The following PRKACB variants were observed in gnomAD, a reference collection of about 807,000 sequenced individuals.
PRKACB encodes protein kinase cAMP-activated catalytic subunit beta.
PRKACB carries 16 observed loss-of-function variants against 51.4 expected under a neutral mutation model. The observed-to-expected ratio is 0.31, with a 90% CI of 0.21 to 0.47. The LOEUF is 0.47. Among genes scored for constraint, PRKACB ranks in the 20% least tolerant of loss-of-function variants. The probability of loss-of-function intolerance (pLI) is 1.00; values close to 1 mark genes in which losing one functional copy is unlikely to be tolerated. For missense variants in PRKACB, 309 were observed against 464.5 expected, an observed-to-expected ratio of 0.67 and a Z score of 3.08; for synonymous variants, 147 against 154.4, an observed-to-expected ratio of 0.95 and a Z score of 0.35.
chr1:84,106,977 G>T (rs1649806527), intron 1 of PRKACB, among the ~76,000 whole-genome samples: 1 of 151,720 alleles, frequency 6.6e-6, no homozygotes, highest in Non-Finnish European at 1.5e-5. Context: ...GAGAGGTTCA[G>T]AAGAGAAAGA....
At chr1:84,114,769 T>C (rs1160103572) in intron 1 of PRKACB, among the ~76,000 whole-genome samples, 1 of 152,174 alleles carries the variant, frequency 6.6e-6, no homozygotes, top group Non-Finnish European at 1.5e-5. Context: ...AGCTCCCACA[T>C]ATAAATGAGA....
At position 84,185,175 on chromosome 1, in the gene PRKACB, A is replaced by G; in HGVS notation, c.553A>G (p.Arg185Gly). ...EMFSHLRRIG[R>G]FSEPHARFYA... ...GTTTTCACATCTAAGAAGAATTGGA[A>G]GGTTCAGGTAACTAATGGTTTTGCT... Residue 185 changes from arginine (R) to glycine (G), a missense_variant, in exon 5 of 10, where the codon AGG becomes GGG. By Grantham distance (125) the Arg-to-Gly change is moderately radical. Coordinates refer to ENST00000370685, the MANE Select transcript of PRKACB (RefSeq NM_182948.4). 1.3e-6 allele frequency: 2 copies of G among 1,506,396 alleles called. No homozygotes were observed. Among genetic ancestry groups the G allele is most frequent in the Non-Finnish European group, 1.8e-6 (2 of 1,130,302 alleles). 93.3% of individuals were successfully genotyped at this position (1,506,396 alleles called of 1,614,324 possible).
chr1:84,150,543 G>T (rs1428449417), intron 1 of PRKACB, among the ~76,000 whole-genome samples: 1 of 152,088 alleles, frequency 6.6e-6, no homozygotes, highest in African/African-American at 2.4e-5. Flanking sequence ...ATGGCTTGGT[G>T]TCCTCCCAAT....
Position 84,235,364 on chromosome 1 carries a change from G to C in PRKACB, c.*59G>C. ...GTGTTTGCACTCTGTTGAGAGATAA[G>C]GTAGAGCTGAGACCGTCCTTGTTGA... is the stretch of plus-strand genomic sequence containing the variant. On this transcript the variant is annotated 3_prime_UTR_variant, in exon 10 of 10. Coordinates refer to ENST00000370685, the MANE Select transcript of PRKACB (RefSeq NM_182948.4). The C allele has an allele frequency of 6.2e-7, 1 of 1,604,466 alleles. No homozygotes were observed. Among genetic ancestry groups the C allele is most frequent in the Non-Finnish European group, 8.5e-7 (1 of 1,175,542 alleles).
intron 8 of PRKACB, among the ~76,000 whole-genome samples, chr1:84,208,086 T>A (rs1671610616): frequency 6.6e-6 from 1 of 152,192 alleles, no homozygotes; most frequent in Non-Finnish European, 1.5e-5. Flanking sequence ...CAGGCTGGTT[T>A]TGAAATCCTG....
At chr1:84,159,664 A>G (rs977466919) in intron 1 of PRKACB, among the ~76,000 whole-genome samples, 4 of 152,192 alleles carry the variant, frequency 2.6e-5, no homozygotes, top group East Asian at 1.9e-4. Context: ...CTTATGCCCT[A>G]TCTTAAGGGG....
At chr1:84,097,502 T>C (rs1649015401) in intron 1 of PRKACB, among the ~76,000 whole-genome samples, 1 of 151,956 alleles carries the variant, frequency 6.6e-6, no homozygotes, top group African/African-American at 2.4e-5. Flanking sequence ...ACAGAACCAA[T>C]AGGAGGGGTG....
rs200268745 is a variant in PRKACB at position 84,224,990 on chromosome 1, T to C, written c.1072-10190T>C. On this transcript the variant is annotated intron_variant, in intron 9 of 9. Coordinates refer to ENST00000370685, the MANE Select transcript of PRKACB (RefSeq NM_182948.4). Reference sequence around the variant, plus strand: ...GGCTGATAGCCTGAGTCTTTCGTCATGCTTCTTGATCATATGTATGTGTAC... The same window carrying C: ...GGCTGATAGCCTGAGTCTTTCGTCACGCTTCTTGATCATATGTATGTGTAC... Among the ~76,000 whole-genome samples, 33 of 152,290 alleles carry C rather than the reference T, an allele frequency of 2.2e-4. No individual in the cohort carries two copies. In the East Asian group the frequency reaches 6.0e-3, roughly 28 times the overall value.
intron 9 of PRKACB, among the ~76,000 whole-genome samples, chr1:84,234,701 CTTTGACT>C (rs1676438159): frequency 4.6e-5 from 7 of 152,220 alleles, no homozygotes; most frequent in Admixed American, 4.6e-4. Flanking sequence ...TCACCCCTTT[CTTTGACT>C]AGGAAAGGGA....
intron 1 of PRKACB, among the ~76,000 whole-genome samples, chr1:84,103,621 C>CG (rs1649516009): frequency 6.6e-6 from 1 of 152,166 alleles, no homozygotes; most frequent in South Asian, 2.1e-4. Context: ...TGTTGAGCCA[C>CG]CCAGCTTAGA....
intron 1 of PRKACB, among the ~76,000 whole-genome samples, chr1:84,120,402 G>A (rs1365538078): frequency 6.6e-6 from 1 of 151,990 alleles, no homozygotes; most frequent in African/African-American, 2.4e-5. Flanking sequence ...GCTTGTTATT[G>A]TCTATACATG....
intron 5 of PRKACB, among the ~76,000 whole-genome samples, chr1:84,193,761 T>G (rs1667455283): frequency 6.6e-6 from 1 of 152,144 alleles, no homozygotes; most frequent in South Asian, 2.1e-4. Context: ...AGTGCTTTAT[T>G]GCCCTGGCCC....
rs1424991516 is a variant in PRKACB at position 84,235,469 on chromosome 1, C to T, written c.*164C>T. On this transcript the variant is annotated 3_prime_UTR_variant, in exon 10 of 10. Transcript: ENST00000370685. ...ATCCCGTGTGCGCACTCTGCATCCA[C>T]CTATGTAACAAGGCACCGCTAAGCA... is the stretch of plus-strand genomic sequence containing the variant. 20 of 840,092 alleles carry T rather than the reference C, an allele frequency of 2.4e-5. No individual in the cohort carries two copies. The Admixed American group carries it at 3.1e-4, about 13-fold the overall frequency. The allele number at this position is 840,092 out of a possible 1,614,324, so 52.0% of individuals were successfully genotyped here. A position where few individuals can be genotyped will look rare whatever the true frequency, so the allele number is the denominator to read the frequency against.
chr1:84,182,508 C>T (rs1298985838), intron 3 of PRKACB, among the ~76,000 whole-genome samples, 180 bp downstream of exon 3: 8 of 151,936 alleles, frequency 5.3e-5, no homozygotes, highest in African/African-American at 1.7e-4. Context: ...AGTATACAGT[C>T]AGCCCTTCCA....
chr1:84,155,184 G>C (rs1046977734), intron 1 of PRKACB, among the ~76,000 whole-genome samples: 3 of 152,036 alleles, frequency 2.0e-5, no homozygotes, highest in African/African-American at 7.2e-5. Flanking sequence ...CAATAAAGAT[G>C]CAGCATAAAA....
At chr1:84,146,877 A>C (rs1003548140) in intron 1 of PRKACB, among the ~76,000 whole-genome samples, 17 of 152,054 alleles carry the variant, frequency 1.1e-4, no homozygotes, top group African/African-American at 3.4e-4. Flanking sequence ...TAAACTAAGT[A>C]ACAGAAATTC....
At chr1:84,234,570 C>T (rs562305768) in intron 9 of PRKACB, among the ~76,000 whole-genome samples, 62 of 152,346 alleles carry the variant, frequency 4.1e-4, no homozygotes, top group Admixed American at 2.9e-3. Context: ...AGCGAGACTC[C>T]GTGGGCGTAG....
intron 1 of PRKACB, among the ~76,000 whole-genome samples, chr1:84,096,131 TCA>T (rs1648909933): frequency 6.6e-6 from 1 of 152,164 alleles, no homozygotes; most frequent in African/African-American, 2.4e-5. Flanking sequence ...TTGGCTGTTC[TCA>T]GTCTTTGTGA....
intron 1 of PRKACB, among the ~76,000 whole-genome samples, chr1:84,177,552 G>A (rs1558124801): frequency 6.6e-6 from 1 of 151,942 alleles, no homozygotes; most frequent in Non-Finnish European, 1.5e-5. Context: ...ACAAGCCTGG[G>A]CAGCACAGTT....
Sources: gnomAD v4.1 joint callset for allele counts (sites outside exome capture counted in the v4.1 genomes callset) on GRCh38, gnomAD v4.1.1 for gene constraint, MANE v1.5 for transcripts, NCBI Gene and HGNC (gene_info 2026-07-23, HGNC 2026-07-21) for gene names.